Variants in SHISA9 observed in about 807,000 individuals in gnomAD.
SHISA9 encodes the protein protein shisa-9.
A neutral mutation model predicts 38.0 loss-of-function variants in SHISA9; 13 were observed. The ratio of observed to expected loss-of-function variants is 0.34; its 90% CI spans 0.22 to 0.54. SHISA9 has a LOEUF of 0.54. Ranked by LOEUF, SHISA9 falls within the 20% of genes least tolerant of loss-of-function variation. SHISA9 has a pLI of 0.91. For missense variants in SHISA9, 538 were observed against 575.8 expected (o/e 0.93, Z 0.67); for synonymous variants, 275 against 242.0 (o/e 1.14, Z -1.27).
At chr16:13,152,999 T>G (rs1322959452) in intron 2 of SHISA9, among the ~76,000 whole-genome samples, 1 of 152,138 alleles carries the variant, frequency 6.6e-6, no homozygotes, top group East Asian at 1.9e-4. Context: ...AGTGATGTAA[T>G]TAGCCACAGC....
chr16:13,376,643 G>A, the SHISA9 span, among the ~76,000 whole-genome samples: 1 of 152,048 alleles, frequency 6.6e-6, no homozygotes, highest in African/African-American at 2.4e-5. Flanking sequence ...CTGTTTCCAG[G>A]GGTGGAGCTG....
intron 2 of SHISA9, among the ~76,000 whole-genome samples, chr16:13,036,682 A>G (rs1381741905): frequency 1.3e-5 from 2 of 151,972 alleles, no homozygotes; most frequent in Non-Finnish European, 2.9e-5. Context: ...TGAAAATTAC[A>G]TGGTTATGAA....
chr16:13,341,757 ACT>A, the SHISA9 span, among the ~76,000 whole-genome samples: 1 of 152,074 alleles, frequency 6.6e-6, no homozygotes, highest in South Asian at 2.1e-4. Flanking sequence ...CAAAGGCAAA[ACT>A]CTCCTTAAAG....
At chr16:13,260,951 G>A in the SHISA9 span, among the ~76,000 whole-genome samples, 3 of 152,110 alleles carry the variant, frequency 2.0e-5, no homozygotes, top group Non-Finnish European at 4.4e-5. Flanking sequence ...CTTACATGGT[G>A]GCAGCAAGAG....
chr16:13,411,793 C>G, the SHISA9 span, among the ~76,000 whole-genome samples: 3 of 152,184 alleles, frequency 2.0e-5, no homozygotes, highest in Non-Finnish European at 2.9e-5. Context: ...GCCTGTGTCT[C>G]CAAGACACAC....
At chr16:13,356,122 G>T in the SHISA9 span, among the ~76,000 whole-genome samples, 1 of 152,196 alleles carries the variant, frequency 6.6e-6, no homozygotes, top group Non-Finnish European at 1.5e-5. Context: ...TGTGGCTGGG[G>T]TTTGTCTCAC....
chr16:13,007,330 G>T (rs1042313290), intron 2 of SHISA9, among the ~76,000 whole-genome samples: 1 of 152,112 alleles, frequency 6.6e-6, no homozygotes, highest in African/African-American at 2.4e-5. Context: ...ACCGTAGGCT[G>T]CTCCCTCTTT....
At chr16:13,495,986 C>T in the SHISA9 span, among the ~76,000 whole-genome samples, 1 of 151,924 alleles carries the variant, frequency 6.6e-6, no homozygotes, top group African/African-American at 2.4e-5. Flanking sequence ...AAAAAGCTAT[C>T]CTAAAAAATG....
the SHISA9 span, among the ~76,000 whole-genome samples, chr16:13,426,483 C>T: frequency 6.6e-6 from 1 of 152,138 alleles, no homozygotes; most frequent in African/African-American, 2.4e-5. Context: ...GTCTGTGTAC[C>T]TTTCCCCTGC....
At chr16:13,199,154 T>C (rs2050979602) in intron 2 of SHISA9, among the ~76,000 whole-genome samples, 1 of 152,310 alleles carries the variant, frequency 6.6e-6, no homozygotes, top group African/African-American at 2.4e-5. Flanking sequence ...AGGTTGAGTC[T>C]GAGACTGACG....
At chr16:12,963,604 C>T (rs1007627340) in intron 2 of SHISA9, among the ~76,000 whole-genome samples, 1 of 152,182 alleles carries the variant, frequency 6.6e-6, no homozygotes, top group African/African-American at 2.4e-5. Flanking sequence ...ATTTAATTTT[C>T]ATCATAACAC....
At chr16:13,293,237 C>T in the SHISA9 span, among the ~76,000 whole-genome samples, 26 of 152,284 alleles carry the variant, frequency 1.7e-4, no homozygotes, top group South Asian at 4.1e-4. Flanking sequence ...CCACAACACA[C>T]GCACGCGCGC....
the SHISA9 span, among the ~76,000 whole-genome samples, chr16:13,464,254 A>C: frequency 6.6e-6 from 1 of 152,198 alleles, no homozygotes; most frequent in Non-Finnish European, 1.5e-5. Flanking sequence ...TAATCACCTC[A>C]TCTGCAGGGA....
chr16:13,160,330 C>T (rs113611042), intron 2 of SHISA9, among the ~76,000 whole-genome samples: 2,296 of 152,240 alleles, frequency 0.015, 60 homozygotes, highest in African/African-American at 0.044. Flanking sequence ...AATCAGATTT[C>T]CTATAAGTCA....
chr16:13,018,467 A>G (rs1164363060), intron 2 of SHISA9, among the ~76,000 whole-genome samples: 1 of 152,076 alleles, frequency 6.6e-6, no homozygotes, highest in Non-Finnish European at 1.5e-5. Flanking sequence ...CAGCACCCAA[A>G]TCCTCCACCT....
chr16:13,082,727 C>T (rs1268169219), intron 2 of SHISA9, among the ~76,000 whole-genome samples: 2 of 152,088 alleles, frequency 1.3e-5, no homozygotes, highest in Non-Finnish European at 2.9e-5. Context: ...AGAATGGATA[C>T]TGGAAAGGCA....
intron 2 of SHISA9, among the ~76,000 whole-genome samples, chr16:13,154,125 A>G (rs1004445979): frequency 6.6e-6 from 1 of 152,186 alleles, no homozygotes; most frequent in Non-Finnish European, 1.5e-5. Flanking sequence ...AGTTTCTTCT[A>G]CACCTATCTC....
the SHISA9 span, among the ~76,000 whole-genome samples, chr16:13,463,320 G>A: frequency 2.3e-4 from 35 of 152,302 alleles, no homozygotes; most frequent in African/African-American, 7.9e-4. Context: ...GGTGTGGAGA[G>A]AGAGAGGACC....
chr16:12,901,983 C>A lies in SHISA9; in HGVS notation c.-82C>A. 8.2e-7 allele frequency: 1 copy of A among 1,218,712 alleles called. No homozygotes were observed. The allele number at this position is 1,218,712 out of a possible 1,614,324, so 75.5% of individuals were successfully genotyped here. A position where few individuals can be genotyped will look rare whatever the true frequency, so the allele number is the denominator to read the frequency against. On this transcript the variant is annotated 5_prime_UTR_variant, in exon 1 of 5. Transcript: ENST00000558583. ...GGCTCGCAGCTCCCGGCAGCAGCCT[C>A]GGCAGCTTCGGCCGCGCCTCGAGAG... is the stretch of plus-strand genomic sequence containing the variant.
Sources: gnomAD v4.1 joint callset for allele counts (sites outside exome capture counted in the v4.1 genomes callset) on GRCh38, gnomAD v4.1.1 for gene constraint, MANE v1.5 for transcripts, NCBI Gene and HGNC (gene_info 2026-07-23, HGNC 2026-07-21) for gene names.